The following NTRK2 variants were observed in gnomAD, a reference collection of about 807,000 sequenced individuals.
The protein encoded by NTRK2 is neurotrophic receptor tyrosine kinase 2, also known as BDNF/NT-3 growth factors receptor.
NTRK2 carries 13 observed loss-of-function variants against 94.5 expected under a neutral mutation model. The ratio of observed to expected loss-of-function variants is 0.14; its 90% CI spans 0.09 to 0.22. NTRK2 has a LOEUF of 0.22. NTRK2 is among the 10% of genes least tolerant of loss of function. The probability of loss-of-function intolerance (pLI) is 1.00; values close to 1 mark genes in which losing one functional copy is unlikely to be tolerated. For missense variants in NTRK2, 639 were observed against 1,071.2 expected (o/e 0.60, Z 5.63); for synonymous variants, 372 against 407.4 (o/e 0.91, Z 1.05).
chr9:84,841,992 G>T (rs925992916), intron 12 of NTRK2, among the ~76,000 whole-genome samples: 34 of 152,202 alleles, frequency 2.2e-4, no homozygotes, highest in African/African-American at 7.7e-4. Flanking sequence ...TTCCACATGT[G>T]CAGATATGTT....
intron 14 of NTRK2, chr9:84,876,558 T>G (rs2076075699): frequency 9.5e-7 from 1 of 1,056,804 alleles, no homozygotes; most frequent in Non-Finnish European, 1.1e-6. Flanking sequence ...AATAGAGTAC[T>G]TGAGCCAGAT....
chr9:84,894,053 T>C (rs1258494802), intron 14 of NTRK2, among the ~76,000 whole-genome samples: 1 of 152,072 alleles, frequency 6.6e-6, no homozygotes, highest in East Asian at 1.9e-4. Context: ...TGTTCCCAAG[T>C]CTGGGTCTCT....
At chr9:84,904,063 T>C (rs2077007438) in intron 14 of NTRK2, among the ~76,000 whole-genome samples, 1 of 152,200 alleles carries the variant, frequency 6.6e-6, no homozygotes, top group South Asian at 2.1e-4. Flanking sequence ...GAAGTTATTA[T>C]AGATTATTTT....
At chr9:84,812,732 G>T in intron 12 of NTRK2, 2 of 1,040,426 alleles carry the variant, frequency 1.9e-6, no homozygotes, top group Non-Finnish European at 2.3e-6. Flanking sequence ...GATTGTTTAA[G>T]AACTATTTTA....
At chr9:84,712,139 G>A (rs1393643491) in intron 6 of NTRK2, among the ~76,000 whole-genome samples, 2 of 152,060 alleles carry the variant, frequency 1.3e-5, no homozygotes, top group Non-Finnish European at 2.9e-5. Flanking sequence ...CCACTGAGAG[G>A]AAAAGAGAGA....
chr9:84,865,965 G>A (rs575380128), intron 13 of NTRK2, among the ~76,000 whole-genome samples: 3 of 152,200 alleles, frequency 2.0e-5, no homozygotes, highest in Non-Finnish European at 4.4e-5. Flanking sequence ...TGGCTAATGG[G>A]TAAATTGTTT....
At chr9:84,760,525 A>T (rs1426509150) in intron 12 of NTRK2, among the ~76,000 whole-genome samples, 1 of 152,230 alleles carries the variant, frequency 6.6e-6, no homozygotes. Context: ...ATGGGTATGT[A>T]TCATGAATAC....
At position 85,022,236 on chromosome 9, in the gene NTRK2, A is replaced by G. The variant is rs1832820086; in HGVS notation, c.*799A>G. ...CCTTCCCCTGAGGACCTTTCTGAGG[A>G]GTAAAAAGACTACTGGCCTCTGTGC... On this transcript the variant is annotated 3_prime_UTR_variant, in exon 19 of 19. Coordinates refer to ENST00000277120, the MANE Select transcript of NTRK2 (RefSeq NM_006180.6). 4.3e-6 allele frequency: 1 copy of G among 233,162 alleles called. No homozygotes were observed. The highest frequency in any genetic ancestry group is 2.2e-5 in the African/African-American group (1 of 45,338). 14.4% of individuals were successfully genotyped at this position (233,162 alleles called of 1,614,324 possible).
At chr9:84,913,606 A>G (rs1027989985) in intron 14 of NTRK2, among the ~76,000 whole-genome samples, 1 of 152,146 alleles carries the variant, frequency 6.6e-6, no homozygotes, top group African/African-American at 2.4e-5. Flanking sequence ...AAGGTGTGGT[A>G]CTTTCCTCTG....
At chr9:84,818,193 C>T (rs1048061262) in intron 12 of NTRK2, among the ~76,000 whole-genome samples, 1 of 152,092 alleles carries the variant, frequency 6.6e-6, no homozygotes, top group Non-Finnish European at 1.5e-5. Flanking sequence ...CTCAGGTTAC[C>T]GAGCTAACAA....
chr9:84,899,551 A>G (rs1318266658), intron 14 of NTRK2, among the ~76,000 whole-genome samples: 1 of 152,212 alleles, frequency 6.6e-6, no homozygotes, highest in Non-Finnish European at 1.5e-5. Context: ...CTCTGCAACT[A>G]TATCAGTGAA....
In NTRK2 at chr9:84,967,831, G is replaced by T. The variant is rs139057851; in HGVS notation, c.2172+12314G>T. 7.9e-5 allele frequency among the ~76,000 whole-genome samples: 12 copies of T among 152,358 alleles called. No homozygotes were observed. In the East Asian group the frequency reaches 2.1e-3, roughly 27 times the overall value. ...GAGATTGATGCCCGGGGTTAAGGGC[G>T]TGGAGGGAACATCCACTCAAAGGAG... On this transcript the variant is annotated intron_variant, in intron 17 of 18. Transcript: ENST00000277120.
chr9:84,937,766 C>T (rs1477851284), intron 15 of NTRK2, among the ~76,000 whole-genome samples: 2 of 152,190 alleles, frequency 1.3e-5, no homozygotes, highest in Non-Finnish European at 2.9e-5. Flanking sequence ...AGTCAATTGC[C>T]AAGGAAACGC....
chr9:84,954,635 T>C (rs567036108), intron 16 of NTRK2, among the ~76,000 whole-genome samples: 2 of 152,274 alleles, frequency 1.3e-5, no homozygotes, highest in Admixed American at 6.5e-5. Flanking sequence ...AACATCCAGA[T>C]TGAGAATGCC....
intron 2 of NTRK2, among the ~76,000 whole-genome samples, chr9:84,690,033 T>A (rs1219343080): frequency 1.3e-5 from 2 of 152,210 alleles, no homozygotes; most frequent in Non-Finnish European, 2.9e-5. Context: ...TCCACTAGCA[T>A]CTTTGAAGTT....
chr9:84,885,064 G>C (rs965977281), intron 14 of NTRK2, among the ~76,000 whole-genome samples: 3 of 152,204 alleles, frequency 2.0e-5, no homozygotes, highest in African/African-American at 7.2e-5. Context: ...TTAGCCTAGG[G>C]CTGTAGAAAG....
intron 14 of NTRK2, among the ~76,000 whole-genome samples, chr9:84,927,209 T>G (rs2077851542): frequency 6.6e-6 from 1 of 152,254 alleles, no homozygotes; most frequent in Non-Finnish European, 1.5e-5. Flanking sequence ...ATGACTTAAG[T>G]TTAATAACCA....
chr9:84,952,316 GAA>G (rs1462229200), intron 16 of NTRK2, among the ~76,000 whole-genome samples: 2 of 152,184 alleles, frequency 1.3e-5, no homozygotes, highest in Admixed American at 1.3e-4. Context: ...GTGTGCTATA[GAA>G]TCCTGGAGCC....
intron 12 of NTRK2, chr9:84,815,573 T>C: frequency 9.9e-7 from 1 of 1,014,298 alleles, no homozygotes; most frequent in Non-Finnish European, 1.2e-6. Context: ...CTTTTCCACA[T>C]TTTCTGTAAA....
Sources: allele counts gnomAD v4.1 joint callset (sites outside exome capture counted in the v4.1 genomes callset), GRCh38; gene constraint gnomAD v4.1.1; transcripts MANE v1.5; gene names NCBI Gene and HGNC (gene_info 2026-07-23, HGNC 2026-07-21).